Variants in SLC25A12 observed in about 807,000 individuals in gnomAD.
SLC25A12 encodes solute carrier family 25 member 12, also known as electrogenic aspartate/glutamate antiporter SLC25A12, mitochondrial.
In SLC25A12, 32 loss-of-function variants were observed where a neutral mutation model predicts 83.3. The ratio of observed to expected loss-of-function variants is 0.38; its 90% CI spans 0.29 to 0.52. The LOEUF (loss-of-function observed/expected upper bound fraction) is 0.52. Among genes scored for constraint, SLC25A12 ranks in the 20% least tolerant of loss-of-function variants. The pLI, the probability that SLC25A12 is intolerant of heterozygous loss-of-function variation, is 0.84. For missense variants in SLC25A12, 611 were observed against 835.6 expected (o/e 0.73, Z 3.31); for synonymous variants, 267 against 291.1 (o/e 0.92, Z 0.84).
chr2:171,882,680 G>A (rs115037110), intron 2 of SLC25A12, among the ~76,000 whole-genome samples: 2,852 of 152,312 alleles, frequency 0.019, 57 homozygotes, highest in Admixed American at 0.067. Flanking sequence ...TTTTCAAAAT[G>A]TGTGTTTCTT....
chr2:171,810,730 T>C (rs1361856089), intron 11 of SLC25A12, among the ~76,000 whole-genome samples: 1 of 152,266 alleles, frequency 6.6e-6, no homozygotes, highest in East Asian at 1.9e-4. Flanking sequence ...CATAATGGCA[T>C]ACAGTGGCTT....
intron 4 of SLC25A12, 121 bp downstream of exon 4, chr2:171,855,713 G>A (rs780100730): frequency 5.3e-5 from 40 of 748,296 alleles, no homozygotes; most frequent in Non-Finnish European, 9.0e-5. Context: ...AATCCTTTTA[G>A]GAAATTCAAT....
At chr2:171,829,777 C>A (rs1684391065) in intron 8 of SLC25A12, among the ~76,000 whole-genome samples, 1 of 152,200 alleles carries the variant, frequency 6.6e-6, no homozygotes, top group African/African-American at 2.4e-5. Flanking sequence ...ACTTGTTGCA[C>A]CCTGTTGGAA....
At chr2:171,859,300 A>G (rs1220006230) in intron 3 of SLC25A12, among the ~76,000 whole-genome samples, 2 of 152,184 alleles carry the variant, frequency 1.3e-5, no homozygotes, top group Non-Finnish European at 2.9e-5. Context: ...AAAAGCACCA[A>G]CAACTTAAAA....
At chr2:171,826,759 A>C in intron 9 of SLC25A12, 39 bp downstream of exon 9, 1 of 1,174,684 alleles carries the variant, frequency 8.5e-7, no homozygotes, top group Non-Finnish European at 1.3e-6. Context: ...CTAGTTCAGC[A>C]TTTTTTTAAG....
intron 15 of SLC25A12, chr2:171,788,786 A>G (rs1190798388): frequency 6.6e-6 from 1 of 152,320 alleles, no homozygotes; most frequent in Non-Finnish European, 1.5e-5. Context: ...CTGCTAGGGA[A>G]TAATGCAAAT....
At chr2:171,859,100 A>G (rs1028382601) in intron 3 of SLC25A12, among the ~76,000 whole-genome samples, 2 of 152,156 alleles carry the variant, frequency 1.3e-5, no homozygotes, top group Admixed American at 6.5e-5. Context: ...CCATTACTGT[A>G]TATCTCCTAA....
At position 171,809,474 on chromosome 2, in the gene SLC25A12, AT is replaced by A; in HGVS notation, c.1305+131del. 4 of 780,942 alleles carry A rather than the reference AT, an allele frequency of 5.1e-6. No individual in the cohort carries two copies. The South Asian group carries it at 5.8e-5, about 11-fold the overall frequency. The allele number at this position is 780,942 out of a possible 1,614,324, so 48.4% of individuals were successfully genotyped here. A position where few individuals can be genotyped will look rare whatever the true frequency, so the allele number is the denominator to read the frequency against. On this transcript the variant is annotated intron_variant, in intron 13 of 17. Coordinates refer to ENST00000422440, the MANE Select transcript of SLC25A12 (RefSeq NM_003705.5). The stretch of plus-strand genomic sequence containing the variant: ...TACAATAAAATTTAAAACTTATTCC[AT>A]ATGATTATTGAGAAAACCTGCTTAG...
rs192260538 is a variant in SLC25A12, at chr2:171,849,846, G to A, written c.326-5338C>T. Among the ~76,000 whole-genome samples, 460 of 151,626 alleles carry A rather than the reference G, an allele frequency of 3.0e-3. 2 individuals are homozygous for A. The highest frequency in any genetic ancestry group is 0.021 in the Middle Eastern group (6 of 292). ...GCTGAGATTACAGGCGTGAGCCACC[G>A]TGCCCGGCCCAGTGGCGTGATCTTG... On this transcript the variant is annotated intron_variant, in intron 4 of 17. Coordinates refer to ENST00000422440, the MANE Select transcript of SLC25A12 (RefSeq NM_003705.5).
chr2:171,816,197 C>G (rs1574693486), intron 9 of SLC25A12, among the ~76,000 whole-genome samples: 1 of 151,492 alleles, frequency 6.6e-6, no homozygotes, highest in Non-Finnish European at 1.5e-5. Context: ...TCCGAAGTAG[C>G]TAGGACTACA....
At chr2:171,884,712 T>G (rs914273194) in intron 2 of SLC25A12, among the ~76,000 whole-genome samples, 2 of 151,478 alleles carry the variant, frequency 1.3e-5, no homozygotes, top group Non-Finnish European at 2.9e-5. Context: ...GATGCAGTGG[T>G]TGCAGTGAGC....
intron 9 of SLC25A12, among the ~76,000 whole-genome samples, chr2:171,822,054 T>C (rs187312121): frequency 6.6e-6 from 1 of 152,264 alleles, no homozygotes; most frequent in Admixed American, 6.5e-5. Flanking sequence ...AAAACAGGCC[T>C]GGTAAAATTT....
rs367728650 is a variant in SLC25A12 at position 171,814,618 on chromosome 2, A to AT, written c.1012+502dup. On this transcript the variant is annotated intron_variant, in intron 10 of 17. Transcript: ENST00000422440. Reference sequence around the variant, plus strand: ...GTATTAATCCCAGCATCCAACAGTCATTTTTTCTGCTCCCCTCCTTCCTGC... The same window carrying AT: ...GTATTAATCCCAGCATCCAACAGTCATTTTTTTCTGCTCCCCTCCTTCCTGC... Among the ~76,000 whole-genome samples, 72 of 151,672 alleles carry AT rather than the reference A, an allele frequency of 4.7e-4. 1 individual carries two copies. Among genetic ancestry groups the AT allele is most frequent in the African/African-American group, 1.7e-3 (71 of 41,324 alleles).
chr2:171,860,747 G>A (rs1685138490), intron 3 of SLC25A12, among the ~76,000 whole-genome samples: 1 of 152,006 alleles, frequency 6.6e-6, no homozygotes, highest in African/African-American at 2.4e-5. Flanking sequence ...AGGATAGAGG[G>A]ATGGATGGAT....
At position 171,791,589 on chromosome 2, in the gene SLC25A12, CCT is replaced by C. The variant is rs1558906985; in HGVS notation, c.1447-2_1447-1del. ...TCTCGGAGGAAACACGCTTTGGCAC[CCT>C]GTCACACAGTGAGGAAATAGTGCAA... On this transcript the variant is annotated splice_acceptor_variant, in intron 14 of 17. Transcript: ENST00000422440. LOFTEE classifies it high-confidence loss of function. The C allele has an allele frequency of 2.5e-6, 4 of 1,613,780 alleles. No individual in the cohort carries two copies. The highest frequency in any genetic ancestry group is 3.4e-6 in the Non-Finnish European group (4 of 1,179,788).
Position 171,859,540 on chromosome 2 carries a change from T to C in SLC25A12, c.210-3591A>G, listed in dbSNP as rs151103194. Among the ~76,000 whole-genome samples the C allele has an allele frequency of 3.4e-3, 521 of 152,344 alleles. 1 individual carries two copies. The highest frequency in any genetic ancestry group is 6.1e-3 in the Non-Finnish European group (418 of 68,034). On this transcript the variant is annotated intron_variant, in intron 3 of 17. Transcript: ENST00000422440. Reference sequence around the variant, plus strand: ...AATGAAATTCTGACATATGCTGTAATATAGATGTGCCTTGAAAACATTATG... The same window carrying C: ...AATGAAATTCTGACATATGCTGTAACATAGATGTGCCTTGAAAACATTATG...
In SLC25A12 at chr2:171,847,713, A is replaced by C. The variant is rs182044524; in HGVS notation, c.326-3205T>G. Among the ~76,000 whole-genome samples the C allele has an allele frequency of 2.6e-5, 4 of 152,364 alleles. No homozygotes were observed. In the South Asian group the frequency reaches 6.2e-4, roughly 24 times the overall value. On this transcript the variant is annotated intron_variant, in intron 4 of 17. Transcript: ENST00000422440. ...ATTTTATACTAGGTTGGCATAGCTA[A>C]GAGAACCAGGAATCCATTAGTTTTC...
At chr2:171,875,910 CAAAAAAAAAA>C (rs34276775) in intron 2 of SLC25A12, among the ~76,000 whole-genome samples, 3 of 98,960 alleles carry the variant, frequency 3.0e-5, no homozygotes, top group South Asian at 7.9e-4. Flanking sequence ...GACTCTGTCT[CAAAAAAAAAA>C]AAAAAAAAAA....
In SLC25A12 at chr2:171,785,091, T is replaced by G; in HGVS notation, c.*183A>C. 1.6e-6 allele frequency: 1 copy of G among 614,266 alleles called. No homozygotes were observed. The highest frequency in any genetic ancestry group is 2.9e-6 in the Non-Finnish European group (1 of 342,628). The allele number at this position is 614,266 out of a possible 1,614,324, so 38.1% of individuals were successfully genotyped here. On this transcript the variant is annotated 3_prime_UTR_variant, in exon 18 of 18. Coordinates refer to ENST00000422440, the MANE Select transcript of SLC25A12 (RefSeq NM_003705.5). ...CATAAGACTAAAGCTTGAAACAGCG[T>G]TGTGGTTTTTTCCCTGGGCAAATGA... is the stretch of plus-strand genomic sequence containing the variant.
Sources: gnomAD v4.1 joint callset for allele counts (sites outside exome capture counted in the v4.1 genomes callset) on GRCh38, gnomAD v4.1.1 for gene constraint, MANE v1.5 for transcripts, NCBI Gene and HGNC (gene_info 2026-07-23, HGNC 2026-07-21) for gene names.